The following SERGEF variants were observed in gnomAD, a reference collection of about 807,000 sequenced individuals.
SERGEF encodes the protein secretion-regulating guanine nucleotide exchange factor.
SERGEF carries 51 observed loss-of-function variants against 50.0 expected under a neutral mutation model. The observed-to-expected ratio is 1.02, with a 90% confidence interval of 0.81 to 1.29. The LOEUF (loss-of-function observed/expected upper bound fraction) is 1.29, where lower values mean the gene tolerates loss of function less well. Ranked by LOEUF, SERGEF falls within the 50% of genes most tolerant of loss-of-function variation. The pLI, the probability that SERGEF is intolerant of heterozygous loss-of-function variation, is 0.00. For missense variants in SERGEF, 521 were observed against 557.0 expected (o/e 0.94, Z 0.65); for synonymous variants, 205 against 212.4 (o/e 0.97, Z 0.30).
chr11:17,862,118 G>T (rs958373271), intron 10 of SERGEF, among the ~76,000 whole-genome samples: 1 of 152,100 alleles, frequency 6.6e-6, no homozygotes, highest in African/African-American at 2.4e-5. Flanking sequence ...CCCCTCCAGA[G>T]GCCCTCATTT....
intron 9 of SERGEF, among the ~76,000 whole-genome samples, chr11:17,919,033 T>C (rs1327015797): frequency 6.6e-6 from 1 of 152,220 alleles, no homozygotes; most frequent in Non-Finnish European, 1.5e-5. Flanking sequence ...AGCTGCTGCA[T>C]ATTACTCATC....
intron 8 of SERGEF, among the ~76,000 whole-genome samples, chr11:17,981,119 C>T (rs1460193585): frequency 6.6e-6 from 1 of 152,206 alleles, no homozygotes; most frequent in Non-Finnish European, 1.5e-5. Context: ...CTAGAGCCTG[C>T]AGTGTCTGGG....
At chr11:17,805,033 CTG>C (rs1460334763) in intron 10 of SERGEF, among the ~76,000 whole-genome samples, 5 of 152,198 alleles carry the variant, frequency 3.3e-5, no homozygotes, top group African/African-American at 9.7e-5. Context: ...AAAACAAAGA[CTG>C]TTGAAAATAC....
intron 10 of SERGEF, among the ~76,000 whole-genome samples, chr11:17,822,330 T>G (rs898068473): frequency 6.6e-6 from 1 of 152,190 alleles, no homozygotes; most frequent in African/African-American, 2.4e-5. Context: ...GATACTAAAT[T>G]TAGAACTGGC....
intron 8 of SERGEF, among the ~76,000 whole-genome samples, chr11:17,972,928 C>T (rs1853282554): frequency 6.6e-6 from 1 of 152,038 alleles, no homozygotes; most frequent in South Asian, 2.1e-4. Context: ...AACTGCCATC[C>T]CTAATTCTGT....
At chr11:17,858,888 C>T (rs1405000290) in intron 10 of SERGEF, among the ~76,000 whole-genome samples, 1 of 152,018 alleles carries the variant, frequency 6.6e-6, no homozygotes, top group Non-Finnish European at 1.5e-5. Context: ...AGACTGGAAT[C>T]CCTGATAGAG....
intron 9 of SERGEF, among the ~76,000 whole-genome samples, chr11:17,885,646 T>A (rs895496297): frequency 2.0e-5 from 3 of 151,760 alleles, no homozygotes; most frequent in African/African-American, 7.3e-5. Context: ...ATTTTTTTTT[T>A]AATTAAAGTT....
intron 9 of SERGEF, among the ~76,000 whole-genome samples, chr11:17,890,766 TG>T (rs1851518004): frequency 1.3e-5 from 2 of 152,108 alleles, no homozygotes; most frequent in South Asian, 4.1e-4. Flanking sequence ...AAATTATTCT[TG>T]GAGAAATGGC....
chr11:17,792,433 AG>A (rs1849497985), intron 10 of SERGEF, among the ~76,000 whole-genome samples: 1 of 152,166 alleles, frequency 6.6e-6, no homozygotes, highest in South Asian at 2.1e-4. Context: ...TGGGGGTGGG[AG>A]GAAGGCAGAG....
chr11:17,911,984 T>C (rs923709235), intron 9 of SERGEF, among the ~76,000 whole-genome samples: 2 of 152,174 alleles, frequency 1.3e-5, no homozygotes, highest in African/African-American at 4.8e-5. Flanking sequence ...TTTGAGCTTA[T>C]ATTCAGCAAA....
chr11:17,893,898 A>G (rs1463432808), intron 9 of SERGEF, among the ~76,000 whole-genome samples: 1 of 152,206 alleles, frequency 6.6e-6, no homozygotes, highest in South Asian at 2.1e-4. Flanking sequence ...AGCCTCCATG[A>G]CACTGAGGGT....
chr11:18,006,757 TA>T lies in SERGEF; in HGVS notation c.197-12del. ...AGAGGTCTCCTCCATCTGCAAAATA[TA>T]AAGGCATCAGTGATAGCGTGCACAG... On this transcript the variant is annotated splice_polypyrimidine_tract_variant and intron_variant, in intron 2 of 10. Transcript: ENST00000265965. 6.2e-7 allele frequency: 1 copy of T among 1,613,928 alleles called. No homozygotes were observed.
intron 10 of SERGEF, among the ~76,000 whole-genome samples, chr11:17,877,477 C>T (rs1228037374): frequency 6.6e-6 from 1 of 152,228 alleles, no homozygotes; most frequent in Non-Finnish European, 1.5e-5. Flanking sequence ...GAGGTAGGCA[C>T]TATTGCCCTC....
At chr11:17,833,951 G>A (rs1051599088) in intron 10 of SERGEF, among the ~76,000 whole-genome samples, 1 of 152,174 alleles carries the variant, frequency 6.6e-6, no homozygotes, top group Non-Finnish European at 1.5e-5. Context: ...TCTGGACTGT[G>A]GACTTCTGAG....
intron 9 of SERGEF, among the ~76,000 whole-genome samples, chr11:17,927,586 CCTT>C (rs1565207061): frequency 3.3e-5 from 5 of 152,206 alleles, no homozygotes; most frequent in African/African-American, 7.2e-5. Context: ...AAGTCACTCT[CCTT>C]CTTTGGATTT....
intron 9 of SERGEF, among the ~76,000 whole-genome samples, chr11:17,922,109 C>T (rs1341298986): frequency 1.3e-5 from 2 of 152,178 alleles, no homozygotes; most frequent in African/African-American, 4.8e-5. Flanking sequence ...CCAATGGCAA[C>T]GTCTGAACAT....
chr11:17,851,732 C>T (rs1243169234), intron 10 of SERGEF, among the ~76,000 whole-genome samples: 1 of 152,208 alleles, frequency 6.6e-6, no homozygotes, highest in Admixed American at 6.5e-5. Flanking sequence ...GAGTAAAACA[C>T]TTGCATTCAT....
chr11:17,802,951 T>G (rs1849698117), intron 10 of SERGEF, among the ~76,000 whole-genome samples: 1 of 152,278 alleles, frequency 6.6e-6, no homozygotes, highest in Admixed American at 6.5e-5. Flanking sequence ...TTTATTCAAC[T>G]GCTGTATCTC....
At chr11:18,012,803 C>G (rs1245383213) in intron 1 of SERGEF, 148 bp downstream of exon 1, 1 of 1,501,742 alleles carries the variant, frequency 6.7e-7, no homozygotes, top group African/African-American at 1.4e-5. Flanking sequence ...CCTCCGCTCC[C>G]CCTCCGCTCC....
Sources: allele counts gnomAD v4.1 joint callset (sites outside exome capture counted in the v4.1 genomes callset), GRCh38; gene constraint gnomAD v4.1.1; transcripts MANE v1.5; gene names NCBI Gene and HGNC (gene_info 2026-07-23, HGNC 2026-07-21).